The following ADAMTSL1 variants were observed in gnomAD, a reference collection of about 807,000 sequenced individuals.
The protein encoded by ADAMTSL1 is ADAMTS-like protein 1.
In ADAMTSL1, 126 loss-of-function variants were observed where a neutral mutation model predicts 201.8. That is an observed-to-expected ratio of 0.62 (90% confidence interval 0.54 to 0.72). ADAMTSL1 has a LOEUF of 0.72. ADAMTSL1 is among the 30% of genes least tolerant of loss of function. The pLI is 0.00. For synonymous variants in ADAMTSL1, 1,121 were observed against 903.4 expected (o/e 1.24, Z -4.32); for missense variants, 2,679 against 2,277.8 (o/e 1.18, Z -3.59).
At chr9:18,534,034 A>G (rs577777377) in intron 3 of ADAMTSL1, among the ~76,000 whole-genome samples, 2 of 152,322 alleles carry the variant, frequency 1.3e-5, no homozygotes, top group East Asian at 3.9e-4. Context: ...AGAGTTGAGT[A>G]TAGCAGTATA....
At chr9:18,404,629 T>C (rs1010798113) in intron 2 of ADAMTSL1, among the ~76,000 whole-genome samples, 4 of 152,248 alleles carry the variant, frequency 2.6e-5, no homozygotes, top group Non-Finnish European at 5.9e-5. Context: ...ACAGTCTGAA[T>C]ATCTTAATTA....
At chr9:18,662,810 T>C (rs1018771038) in intron 9 of ADAMTSL1, among the ~76,000 whole-genome samples, 56 of 152,324 alleles carry the variant, frequency 3.7e-4, no homozygotes, top group African/African-American at 1.2e-3. Context: ...AATCTTTTCA[T>C]AGGTGTAACG....
chr9:18,689,342 G>C (rs1831069875), intron 13 of ADAMTSL1, among the ~76,000 whole-genome samples: 1 of 152,116 alleles, frequency 6.6e-6, no homozygotes, highest in Non-Finnish European at 1.5e-5. Flanking sequence ...ATGATACAAT[G>C]ATGATCCCTA....
chr9:18,583,694 T>G lies in ADAMTSL1; in HGVS notation c.474+9428T>G, dbSNP rs184006553. Among the ~76,000 whole-genome samples, 639 of 152,222 alleles carry G rather than the reference T, an allele frequency of 4.2e-3. 4 individuals are homozygous for G. The highest frequency in any genetic ancestry group is 0.015 in the African/African-American group (604 of 41,534). ...AGCAGCCGGGAAGGAGGCTGTGCCC[T>G]GCAGAGCCACCAGGACGGAGCTACC... On this transcript the variant is annotated intron_variant, in intron 4 of 28. Transcript: ENST00000380548.
Position 18,563,898 on chromosome 9 carries a change from G to T in ADAMTSL1, c.238-10132G>T, listed in dbSNP as rs376267306. Among the ~76,000 whole-genome samples, 4 of 152,332 alleles carry T rather than the reference G, an allele frequency of 2.6e-5. No homozygotes were observed. In the East Asian group the frequency reaches 7.7e-4, roughly 29 times the overall value. On this transcript the variant is annotated intron_variant, in intron 3 of 28. Transcript: ENST00000380548. ...CAGCATTTCAGGTCGACTTCAGACT[G>T]CTGTGCTGGCAGTGAGAATTTCAAG...
At chr9:18,627,557 C>A (rs1306428604) in intron 5 of ADAMTSL1, among the ~76,000 whole-genome samples, 3 of 152,150 alleles carry the variant, frequency 2.0e-5, no homozygotes, top group African/African-American at 4.8e-5. Flanking sequence ...GGGAGTATTT[C>A]TCTTTCTTCA....
chr9:18,153,126 C>G (rs1256009985), intron 1 of ADAMTSL1, among the ~76,000 whole-genome samples: 1 of 152,054 alleles, frequency 6.6e-6, no homozygotes, highest in East Asian at 1.9e-4. Flanking sequence ...CCACATTTCA[C>G]TGTTGATTCA....
At chr9:18,069,016 A>G (rs778243700) in intron 1 of ADAMTSL1, among the ~76,000 whole-genome samples, 2 of 152,160 alleles carry the variant, frequency 1.3e-5, no homozygotes, top group African/African-American at 2.4e-5. Flanking sequence ...AAACAACAGA[A>G]CAGCATGTGT....
chr9:18,544,925 A>G (rs904081501), intron 3 of ADAMTSL1, among the ~76,000 whole-genome samples: 6 of 152,218 alleles, frequency 3.9e-5, no homozygotes, highest in South Asian at 2.1e-4. Flanking sequence ...GAATGAGACC[A>G]TCATTTCCAC....
intron 2 of ADAMTSL1, among the ~76,000 whole-genome samples, chr9:18,421,302 T>C (rs1334811646): frequency 2.0e-5 from 3 of 152,128 alleles, no homozygotes; most frequent in African/African-American, 4.8e-5. Context: ...CTGTAATAAC[T>C]ACCATTTATT....
intron 2 of ADAMTSL1, among the ~76,000 whole-genome samples, chr9:18,461,949 C>G (rs1299026931): frequency 1.3e-5 from 2 of 152,022 alleles, no homozygotes; most frequent in Non-Finnish European, 2.9e-5. Flanking sequence ...ATCCAGCACT[C>G]TCAAATCTAA....
At chr9:18,408,933 A>G (rs1423384994) in intron 2 of ADAMTSL1, among the ~76,000 whole-genome samples, 1 of 152,218 alleles carries the variant, frequency 6.6e-6, no homozygotes, top group Non-Finnish European at 1.5e-5. Flanking sequence ...TTTAAATGAG[A>G]GAGAGATCAA....
chr9:18,528,258 G>A lies in ADAMTSL1; in HGVS notation c.192-4989G>A, dbSNP rs144774281. Among the ~76,000 whole-genome samples the A allele has an allele frequency of 9.4e-3, 1,435 of 152,084 alleles. 24 individuals are homozygous for A. The highest frequency in any genetic ancestry group is 0.033 in the African/African-American group (1,369 of 41,480). On this transcript the variant is annotated intron_variant, in intron 2 of 28. Transcript: ENST00000380548. ...ATGCAGGTTTGTTACAAAGGTAAAC[G>A]TGTGCCATGGTAGTTTGCTGCACAG...
At chr9:17,951,614 C>T (rs1252984179) in intron 1 of ADAMTSL1, among the ~76,000 whole-genome samples, 2 of 149,544 alleles carry the variant, frequency 1.3e-5, no homozygotes, top group Non-Finnish European at 1.5e-5. Flanking sequence ...TTTTACTATT[C>T]ATAACCATTA....
chr9:18,392,489 C>A (rs2133228482), intron 2 of ADAMTSL1, among the ~76,000 whole-genome samples: 1 of 152,324 alleles, frequency 6.6e-6, no homozygotes, highest in East Asian at 1.9e-4. Flanking sequence ...CTGGCGTGCT[C>A]TGCAAACCTG....
intron 2 of ADAMTSL1, among the ~76,000 whole-genome samples, chr9:18,337,237 G>A (rs1010762449): frequency 1.3e-5 from 2 of 152,050 alleles, no homozygotes; most frequent in Admixed American, 6.6e-5. Context: ...TTCCCCCATC[G>A]GTGTAAGACT....
At chr9:18,567,200 CA>C (rs1363503402) in intron 3 of ADAMTSL1, among the ~76,000 whole-genome samples, 6 of 152,178 alleles carry the variant, frequency 3.9e-5, no homozygotes, top group Non-Finnish European at 8.8e-5. Flanking sequence ...CAAGGTGGCT[CA>C]TGCCGTTAAT....
intron 1 of ADAMTSL1, among the ~76,000 whole-genome samples, chr9:18,113,824 G>T (rs562246746): frequency 1.3e-5 from 2 of 152,106 alleles, no homozygotes; most frequent in South Asian, 4.1e-4. Context: ...TATTAACTCA[G>T]TATTTAACTA....
intron 20 of ADAMTSL1, among the ~76,000 whole-genome samples, chr9:18,812,673 T>G (rs2131156893): frequency 6.6e-6 from 1 of 152,328 alleles, no homozygotes; most frequent in Middle Eastern, 3.4e-3. Flanking sequence ...TTTATCATTT[T>G]GGGTCTTACA....
Sources: allele counts gnomAD v4.1 joint callset (sites outside exome capture counted in the v4.1 genomes callset), GRCh38; gene constraint gnomAD v4.1.1; transcripts MANE v1.5; gene names NCBI Gene and HGNC (gene_info 2026-07-23, HGNC 2026-07-21).